The following COL4A1 variants were observed in gnomAD, a reference collection of about 807,000 sequenced individuals.
COL4A1 encodes the protein collagen type IV alpha 1 chain.
A neutral mutation model predicts 216.6 loss-of-function variants in COL4A1; 40 were observed. The ratio of observed to expected loss-of-function variants is 0.18; its 90% CI spans 0.14 to 0.24. COL4A1 has a LOEUF of 0.24. COL4A1 is among the 10% of genes least tolerant of loss of function. The pLI, the probability that COL4A1 is intolerant of heterozygous loss-of-function variation, is 1.00. For missense variants in COL4A1, 1,628 were observed against 2,196.8 expected, an observed-to-expected ratio of 0.74 and a Z score of 5.18; for synonymous variants, 839 against 810.7, an observed-to-expected ratio of 1.03 and a Z score of -0.59.
At chr13:110,257,371 C>T (rs957577665) in intron 1 of COL4A1, among the ~76,000 whole-genome samples, 1 of 152,212 alleles carries the variant, frequency 6.6e-6, no homozygotes, top group South Asian at 2.1e-4. Context: ...GTGAGCACAA[C>T]AGCAACTAAA....
At chr13:110,260,242 G>A (rs1421288763) in intron 1 of COL4A1, among the ~76,000 whole-genome samples, 3 of 152,140 alleles carry the variant, frequency 2.0e-5, no homozygotes, top group East Asian at 1.9e-4. Context: ...CTTACATGGC[G>A]GCAGGCTAGA....
intron 43 of COL4A1, among the ~76,000 whole-genome samples, chr13:110,168,588 C>T (rs1877452183): frequency 6.6e-6 from 1 of 152,194 alleles, no homozygotes; most frequent in African/African-American, 2.4e-5. Context: ...ATCAGCACCA[C>T]GTATTGTTTT....
intron 29 of COL4A1, among the ~76,000 whole-genome samples, chr13:110,180,731 C>T (rs560857303): frequency 2.0e-5 from 3 of 152,342 alleles, no homozygotes; most frequent in Admixed American, 1.3e-4. Context: ...GTTCTCAAGC[C>T]GGGGCAATCT....
intron 1 of COL4A1, among the ~76,000 whole-genome samples, chr13:110,256,804 G>A (rs1228363324): frequency 2.0e-5 from 3 of 151,998 alleles, no homozygotes; most frequent in Non-Finnish European, 2.9e-5. Context: ...CTTTCCTGTG[G>A]GATAGGATCT....
chr13:110,211,936 A>G lies in COL4A1; in HGVS notation c.388-14T>C, dbSNP rs556098689. 3 of 1,613,916 alleles carry G rather than the reference A, an allele frequency of 1.9e-6. No homozygotes were observed. In the South Asian group the frequency reaches 3.3e-5, roughly 18 times the overall value. On this transcript the variant is annotated splice_polypyrimidine_tract_variant and intron_variant, in intron 6 of 51. Transcript: ENST00000375820. This position sits in a 1 kb window ranked among gnomAD's most constrained non-coding sequence, Gnocchi z 4.3. ...CCCTCTCTCCCCCTGGGGAGACAGC[A>G]GAGCATCATTCATACGCACTGTGTG...
chr13:110,262,845 T>C (rs1882882813), intron 1 of COL4A1, among the ~76,000 whole-genome samples: 2 of 152,226 alleles, frequency 1.3e-5, no homozygotes, highest in South Asian at 2.1e-4. Context: ...TTTACGGCTG[T>C]ATTTTAAAAC....
Position 110,207,416 on chromosome 13 carries a change from G to A in COL4A1, c.767C>T (p.Thr256Ile), listed in dbSNP as rs1287801348. The change falls in exon 13 of 52, where the codon ACC (threonine) becomes ATC (isoleucine). Residue 256 changes from threonine to isoleucine, a missense_variant. By Grantham distance (89) the Thr-to-Ile change is moderately conservative (BLOSUM62 -1). Coordinates refer to ENST00000375820, the MANE Select transcript of COL4A1 (RefSeq NM_001845.6). The surrounding 1 kb of genome is among the most constrained non-coding windows in gnomAD (Gnocchi z 4.4). ...AQVQEKGDFA[T>I]KGEKGQKGEP... ...GCCCACTCATACCTTTTCTCCCTTG[G>A]TGGCGAAGTCTCCTTTTTCTTGAAC... The A allele has an allele frequency of 6.2e-7, 1 of 1,613,848 alleles. No individual in the cohort carries two copies.
intron 1 of COL4A1, 37 bp from the exon 2 acceptor site, chr13:110,242,771 A>G: frequency 6.2e-7 from 1 of 1,609,492 alleles, no homozygotes. Flanking sequence ...ATAGAAGAAC[A>G]CTTTCAAAGC....
At chr13:110,218,285 T>C (rs554570738) in intron 2 of COL4A1, among the ~76,000 whole-genome samples, 1 of 152,256 alleles carries the variant, frequency 6.6e-6, no homozygotes, top group East Asian at 1.9e-4. Flanking sequence ...CAATCTGAAA[T>C]ATTAGGATCA....
intron 10 of COL4A1, 106 bp from the exon 11 acceptor site, chr13:110,209,533 T>G: frequency 1.1e-6 from 1 of 897,844 alleles, no homozygotes; most frequent in South Asian, 1.6e-5. Context: ...ACATGATAAT[T>G]TATTTGTGAA....
Position 110,211,631 on chromosome 13 carries a change from A to G in COL4A1, c.468+16T>C. On this transcript the variant is annotated intron_variant, in intron 8 of 51. Transcript: ENST00000375820. The surrounding 1 kb of genome is among the most constrained non-coding windows in gnomAD (Gnocchi z 4.3). Reference sequence around the variant, plus strand: ...CCTGTAATGAATCCAATAAAGCAAAATAAAATAAAATGTACCTTCATCCCT... The same window carrying G: ...CCTGTAATGAATCCAATAAAGCAAAGTAAAATAAAATGTACCTTCATCCCT... 6.5e-7 allele frequency: 1 copy of G among 1,535,486 alleles called. No individual in the cohort carries two copies. The highest frequency in any genetic ancestry group is 8.7e-7 in the Non-Finnish European group (1 of 1,144,900).
intron 23 of COL4A1, 116 bp downstream of exon 23, chr13:110,192,714 C>A (rs1878693927): frequency 4.9e-6 from 4 of 808,762 alleles, no homozygotes; most frequent in Non-Finnish European, 8.1e-6. Flanking sequence ...TCTGATTATG[C>A]TTTAGGATTG....
intron 1 of COL4A1, 93 bp from the exon 2 acceptor site, chr13:110,242,827 T>A: frequency 7.3e-7 from 1 of 1,372,328 alleles, no homozygotes; most frequent in Middle Eastern, 1.8e-4. Context: ...TTGACTTGTT[T>A]ATGAGCGAAG....
intron 1 of COL4A1, among the ~76,000 whole-genome samples, chr13:110,248,629 C>A (rs1881942880): frequency 6.6e-6 from 1 of 152,126 alleles, no homozygotes; most frequent in Admixed American, 6.5e-5. Flanking sequence ...GTGGCTGGGA[C>A]TACAGGCACG....
rs1303260315 is a variant in COL4A1, at chr13:110,176,732, T to C, written c.2870-8A>G. The C allele has an allele frequency of 6.2e-7, 1 of 1,613,892 alleles. No individual in the cohort carries two copies. Among genetic ancestry groups the C allele is most frequent in the African/African-American group, 1.3e-5 (1 of 74,918 alleles). On this transcript the variant is annotated splice_region_variant and splice_polypyrimidine_tract_variant and intron_variant, in intron 34 of 51. Coordinates refer to ENST00000375820, the MANE Select transcript of COL4A1 (RefSeq NM_001845.6). The stretch of plus-strand genomic sequence containing the variant: ...CAATTGGTCCAATTTGTCCTACACA[T>C]CAGAGAAGAAAATAGCAATGACCCG...
chr13:110,283,324 C>T (rs1166252070), intron 1 of COL4A1, among the ~76,000 whole-genome samples: 1 of 152,186 alleles, frequency 6.6e-6, no homozygotes, highest in African/African-American at 2.4e-5. Context: ...TTAAATCATA[C>T]ATTTGCTTTT....
chr13:110,276,863 C>T (rs1532323), intron 1 of COL4A1, among the ~76,000 whole-genome samples: 12,835 of 152,230 alleles, frequency 0.084, 1,329 homozygotes, highest in African/African-American at 0.23. Context: ...AGGCCAGATT[C>T]GGGCCACAGA....
intron 45 of COL4A1, 44 bp downstream of exon 45, chr13:110,166,188 A>G (rs759571142): frequency 8.3e-6 from 10 of 1,197,920 alleles, no homozygotes; most frequent in Middle Eastern, 1.9e-4. Flanking sequence ...TTACATTTTC[A>G]CAAAGCACCA....
chr13:110,161,496 T>A, intron 48 of COL4A1, 127 bp from the exon 49 acceptor site: 1 of 1,134,500 alleles, frequency 8.8e-7, no homozygotes, highest in South Asian at 1.3e-5. Context: ...AATGGAAATG[T>A]ATAAAGGATT....
Sources: gnomAD v4.1 joint callset for allele counts (sites outside exome capture counted in the v4.1 genomes callset) on GRCh38, gnomAD v4.1.1 for gene constraint, Gnocchi (gnomAD v3.1) non-coding constraint, MANE v1.5 for transcripts, NCBI Gene and HGNC (gene_info 2026-07-23, HGNC 2026-07-21) for gene names.